Variants in CCDC73 observed in about 807,000 individuals in gnomAD.
CCDC73 encodes the protein coiled-coil domain-containing protein 73.
CCDC73 carries 95 observed loss-of-function variants against 116.5 expected under a neutral mutation model. The observed-to-expected ratio is 0.82, with a 90% confidence interval of 0.69 to 0.97. The LOEUF is 0.97. Among genes scored for constraint, CCDC73 ranks in the 50% least tolerant of loss-of-function variants. CCDC73 has a pLI of 0.00. For synonymous variants in CCDC73, 398 were observed against 401.3 expected (o/e 0.99, Z 0.10); for missense variants, 1,066 against 1,206.8 (o/e 0.88, Z 1.73).
intron 14 of CCDC73, 120 bp downstream of exon 14, chr11:32,635,576 A>C: frequency 1.2e-6 from 1 of 852,516 alleles, no homozygotes; most frequent in Non-Finnish European, 1.5e-6. Context: ...ATTAGAGACC[A>C]TATGCATATA....
intron 6 of CCDC73, among the ~76,000 whole-genome samples, chr11:32,684,761 T>C (rs1332563356): frequency 6.6e-6 from 1 of 152,140 alleles, no homozygotes; most frequent in African/African-American, 2.4e-5. Context: ...GGCTGTTGGA[T>C]TGCTTGAGTC....
intron 3 of CCDC73, among the ~76,000 whole-genome samples, chr11:32,710,288 G>A (rs1394560872): frequency 6.6e-6 from 1 of 152,088 alleles, no homozygotes; most frequent in East Asian, 1.9e-4. Flanking sequence ...TTGTCTGTAT[G>A]TGCTCTTTCA....
rs1174798782 is a variant in CCDC73, at chr11:32,663,889, AG to A, written c.646-8918del. ...AATTTATTGAGAGTTTTTAGCATGA[AG>A]GGCTGTTGAATTTTGTCAAAGGCCT... On this transcript the variant is annotated intron_variant, in intron 9 of 17. Coordinates refer to ENST00000335185, the MANE Select transcript of CCDC73 (RefSeq NM_001008391.4). Among the ~76,000 whole-genome samples the A allele has an allele frequency of 5.3e-5, 8 of 152,310 alleles. 1 individual carries two copies. The East Asian group carries it at 1.5e-3, about 29-fold the overall frequency.
chr11:32,739,681 C>T (rs1046414935), intron 2 of CCDC73, among the ~76,000 whole-genome samples: 5 of 152,034 alleles, frequency 3.3e-5, no homozygotes, highest in East Asian at 3.8e-4. Context: ...TTTGGATGCC[C>T]TTTATTTATT....
chr11:32,615,908 A>G, intron 15 of CCDC73, 32 bp downstream of exon 15: 1 of 1,479,350 alleles, frequency 6.8e-7, no homozygotes. Context: ...CAACATACAA[A>G]TTAGAAAATA....
intron 3 of CCDC73, among the ~76,000 whole-genome samples, chr11:32,705,512 G>A (rs993318614): frequency 1.7e-4 from 26 of 152,132 alleles, no homozygotes; most frequent in Admixed American, 7.2e-4. Context: ...TGCAGCAGCC[G>A]GACCCCACGC....
Position 32,642,136 on chromosome 11 carries a change from G to T in CCDC73, c.940-54C>A, listed in dbSNP as rs1255304515. ...AATCAATACCACATTAATGAATTCT[G>T]ATGTGTTTTATGTTGCTTGGACCTT... is the stretch of plus-strand genomic sequence containing the variant. On this transcript the variant is annotated intron_variant, in intron 12 of 17. Coordinates refer to ENST00000335185, the MANE Select transcript of CCDC73 (RefSeq NM_001008391.4). The T allele has an allele frequency of 1.0e-5, 15 of 1,444,086 alleles. No individual in the cohort carries two copies. In the Admixed American group the frequency reaches 3.6e-4, roughly 35 times the overall value. The allele number at this position is 1,444,086 out of a possible 1,614,324, so 89.5% of individuals were successfully genotyped here. A position where few individuals can be genotyped will look rare whatever the true frequency, so the allele number is the denominator to read the frequency against.
intron 1 of CCDC73, among the ~76,000 whole-genome samples, chr11:32,780,360 C>T (rs186737871): frequency 1.3e-3 from 190 of 151,654 alleles, no homozygotes; most frequent in Admixed American, 2.6e-3. Context: ...GAGTACTGTG[C>T]TAGTAAAAAG....
intron 6 of CCDC73, among the ~76,000 whole-genome samples, chr11:32,693,214 G>A (rs571370588): frequency 1.3e-5 from 2 of 152,354 alleles, no homozygotes; most frequent in African/African-American, 2.4e-5. Flanking sequence ...GAAAAAGGGA[G>A]AAAGAGAAGT....
rs1042471164 is a variant in CCDC73 at position 32,794,606 on chromosome 11, G to A, written c.-16+7C>T. 8 of 152,274 alleles carry A rather than the reference G, an allele frequency of 5.3e-5. No individual in the cohort carries two copies. The highest frequency in any genetic ancestry group is 1.9e-4 in the East Asian group (1 of 5,196). The allele number at this position is 152,274 out of a possible 1,614,324, so 9.4% of individuals were successfully genotyped here. On this transcript the variant is annotated splice_region_variant and intron_variant, in intron 1 of 17. Coordinates refer to ENST00000335185, the MANE Select transcript of CCDC73 (RefSeq NM_001008391.4). ...CCAACTACACGCTTGTGACTGCTCC[G>A]ACTTACCTCAGCGAAGCGCGCCTCT...
intron 12 of CCDC73, 38 bp downstream of exon 12, chr11:32,653,085 C>CAGAT (rs766189614): frequency 1.1e-5 from 13 of 1,213,394 alleles, no homozygotes; most frequent in Non-Finnish European, 1.6e-5. Flanking sequence ...TACTAAAACA[C>CAGAT]AGATAGATAG....
At chr11:32,692,218 A>C (rs1856266872) in intron 6 of CCDC73, among the ~76,000 whole-genome samples, 1 of 151,926 alleles carries the variant, frequency 6.6e-6, no homozygotes, top group African/African-American at 2.4e-5. Context: ...TTTCATATGG[A>C]TATCTAGCTG....
intron 1 of CCDC73, among the ~76,000 whole-genome samples, chr11:32,785,002 C>G (rs531279361): frequency 1.3e-5 from 2 of 152,116 alleles, no homozygotes; most frequent in East Asian, 3.9e-4. Flanking sequence ...GGTGAAACCC[C>G]ATCTCTACTA....
At chr11:32,775,866 T>C (rs1351782114) in intron 1 of CCDC73, among the ~76,000 whole-genome samples, 2 of 152,178 alleles carry the variant, frequency 1.3e-5, no homozygotes, top group Non-Finnish European at 2.9e-5. Flanking sequence ...CACTTCATCT[T>C]CAGCAATTTC....
chr11:32,624,621 C>A (rs967368266), intron 14 of CCDC73, among the ~76,000 whole-genome samples: 5 of 152,150 alleles, frequency 3.3e-5, no homozygotes, highest in Admixed American at 6.5e-5. Context: ...AATTACCATT[C>A]CTCAAGGATC....
intron 3 of CCDC73, among the ~76,000 whole-genome samples, chr11:32,711,426 A>G (rs908868337): frequency 6.6e-6 from 1 of 152,184 alleles, no homozygotes; most frequent in Non-Finnish European, 1.5e-5. Context: ...TAAAGAAAAT[A>G]TGGTATACAC....
At chr11:32,603,077 G>A in intron 17 of CCDC73, 57 bp from the exon 18 acceptor site, 1 of 1,393,006 alleles carries the variant, frequency 7.2e-7, no homozygotes, top group Non-Finnish European at 9.9e-7. Context: ...ATTTTAAAGA[G>A]TCTGTAAAGC....
intron 9 of CCDC73, among the ~76,000 whole-genome samples, chr11:32,660,928 T>C (rs564723728): frequency 6.6e-6 from 1 of 152,324 alleles, no homozygotes; most frequent in South Asian, 2.1e-4. Flanking sequence ...TTGAAAGGTT[T>C]AAGTTTTAAA....
chr11:32,662,147 G>A (rs1345082430), intron 9 of CCDC73, among the ~76,000 whole-genome samples: 5 of 152,174 alleles, frequency 3.3e-5, no homozygotes, highest in South Asian at 2.1e-4. Flanking sequence ...ATAAACATAC[G>A]TGTGCATGTG....
Sources: allele counts gnomAD v4.1 joint callset (sites outside exome capture counted in the v4.1 genomes callset), GRCh38; gene constraint gnomAD v4.1.1; transcripts MANE v1.5; gene names NCBI Gene and HGNC (gene_info 2026-07-23, HGNC 2026-07-21).